The following SYT1 variants were observed in gnomAD, a reference collection of about 807,000 sequenced individuals.
SYT1 encodes synaptotagmin 1.
Under a neutral mutation model 44.8 loss-of-function variants are expected in SYT1, and 8 were observed. The ratio of observed to expected loss-of-function variants is 0.18; its 90% CI spans 0.10 to 0.32. The LOEUF is 0.32. Ranked by LOEUF, SYT1 falls within the 10% of genes least tolerant of loss-of-function variation. The pLI is 1.00. For missense variants in SYT1, 286 were observed against 509.3 expected (o/e 0.56, Z 4.22); for synonymous variants, 154 against 188.8 (o/e 0.82, Z 1.51).
chr12:79,415,373 A>T (rs1175365852), intron 9 of SYT1, among the ~76,000 whole-genome samples: 1 of 152,080 alleles, frequency 6.6e-6, no homozygotes, highest in Non-Finnish European at 1.5e-5. Context: ...TATAAAAGGG[A>T]CTCCACCAGG....
At chr12:79,335,297 T>C (rs571606543) in intron 8 of SYT1, among the ~76,000 whole-genome samples, 11 of 152,288 alleles carry the variant, frequency 7.2e-5, no homozygotes, top group East Asian at 1.9e-4. Flanking sequence ...AAGCCTGTTA[T>C]GTTTGTCTGT....
At chr12:79,231,724 T>A (rs1053364121) in intron 4 of SYT1, among the ~76,000 whole-genome samples, 16 of 152,256 alleles carry the variant, frequency 1.1e-4, no homozygotes, top group East Asian at 3.9e-4. Flanking sequence ...ATGTAAAAAA[T>A]TTATTTTTGT....
chr12:79,418,193 T>C (rs1262682855), intron 9 of SYT1, among the ~76,000 whole-genome samples: 3 of 152,196 alleles, frequency 2.0e-5, no homozygotes, highest in Admixed American at 6.5e-5. Flanking sequence ...CTGCTCCTTG[T>C]AGTCCCAGCG....
intron 9 of SYT1, among the ~76,000 whole-genome samples, chr12:79,438,965 A>C (rs1870246931): frequency 6.6e-6 from 1 of 152,164 alleles, no homozygotes; most frequent in Admixed American, 6.5e-5. Flanking sequence ...TCAGAGTAGA[A>C]AGGAGTCACG....
rs576016672 is a variant in SYT1 at position 79,110,367 on chromosome 12, T to G, written c.-18+63005T>G. Among the ~76,000 whole-genome samples, 160 of 152,300 alleles carry G rather than the reference T, an allele frequency of 1.1e-3. 1 individual carries two copies. Among genetic ancestry groups the G allele is most frequent in the African/African-American group, 3.6e-3 (151 of 41,578 alleles). On this transcript the variant is annotated intron_variant, in intron 3 of 10. Coordinates refer to ENST00000261205, the MANE Select transcript of SYT1 (RefSeq NM_005639.3). ...AAGAGGCAGCTTTTTCATATTGCTA[T>G]GGAGCAATTTATGAATAGGACATAA...
At position 78,931,227 on chromosome 12, in the gene SYT1, GAAAGAAAGAAA is replaced by G. The variant is rs1345297167; in HGVS notation, c.-216-46571_-216-46561del. On this transcript the variant is annotated intron_variant, in intron 1 of 10. Coordinates refer to ENST00000261205, the MANE Select transcript of SYT1 (RefSeq NM_005639.3). ...AGAAAGAAAGAAAGAAAGAAAGAAAGAAAGAAAGAAAGAAGGAAGGAAGGAAGGAAGGAAGG... is the reference window on the plus strand; with the variant it reads ...AGAAAGAAAGAAAGAAAGAAAGAAAGGAAGGAAGGAAGGAAGGAAGGAAGG... Among the ~76,000 whole-genome samples, 427 of 62,952 alleles carry G rather than the reference GAAAGAAAGAAA, an allele frequency of 6.8e-3. 19 individuals are homozygous for G. The highest frequency in any genetic ancestry group is 0.027 in the African/African-American group (311 of 11,534). 41.3% of individuals were successfully genotyped at this position (62,952 alleles called of 152,430 possible). A position where few individuals can be genotyped will look rare whatever the true frequency, so the allele number is the denominator to read the frequency against.
At chr12:78,947,683 T>C (rs1878739263) in intron 1 of SYT1, among the ~76,000 whole-genome samples, 1 of 151,940 alleles carries the variant, frequency 6.6e-6, no homozygotes, top group South Asian at 2.1e-4. Context: ...ATAACAGAAA[T>C]TTTGTTTGGT....
intron 4 of SYT1, among the ~76,000 whole-genome samples, chr12:79,273,099 G>A (rs1878518662): frequency 1.3e-5 from 2 of 150,770 alleles, no homozygotes; most frequent in East Asian, 2.0e-4. Context: ...GAGCAAAATA[G>A]TGTGTGTTAC....
intron 10 of SYT1, among the ~76,000 whole-genome samples, chr12:79,446,356 A>G (rs1208626036): frequency 6.6e-6 from 1 of 152,062 alleles, no homozygotes; most frequent in African/African-American, 2.4e-5. Context: ...CAATAAGATT[A>G]AATCAGTATA....
chr12:78,890,335 T>C (rs1217330954), intron 1 of SYT1, among the ~76,000 whole-genome samples: 1 of 151,874 alleles, frequency 6.6e-6, no homozygotes, highest in East Asian at 2.0e-4. Flanking sequence ...CCCACAATAG[T>C]ATTTTAGATC....
chr12:79,448,801 C>A, intron 10 of SYT1, 117 bp from the exon 11 acceptor site: 1 of 868,622 alleles, frequency 1.2e-6, no homozygotes. Context: ...TCATCCTCAT[C>A]CTAGTGCTTG....
chr12:79,241,935 C>A (rs956470005), intron 4 of SYT1, among the ~76,000 whole-genome samples: 1 of 152,128 alleles, frequency 6.6e-6, no homozygotes, highest in Non-Finnish European at 1.5e-5. Flanking sequence ...CGCCATGTGG[C>A]AATGGAGGCA....
chr12:79,207,197 G>A (rs776601713), intron 3 of SYT1, among the ~76,000 whole-genome samples: 2 of 152,118 alleles, frequency 1.3e-5, no homozygotes, highest in Non-Finnish European at 2.9e-5. Context: ...GTCACACAAT[G>A]TGCATGAGCT....
chr12:79,300,386 T>C (rs1880080605), intron 8 of SYT1, among the ~76,000 whole-genome samples: 1 of 152,082 alleles, frequency 6.6e-6, no homozygotes, highest in Admixed American at 6.6e-5. Flanking sequence ...ACGCAAGAGA[T>C]TGCTGACAGC....
intron 3 of SYT1, among the ~76,000 whole-genome samples, chr12:79,162,885 A>G (rs968654268): frequency 2.0e-5 from 3 of 152,224 alleles, no homozygotes; most frequent in Admixed American, 6.6e-5. Context: ...AGAGTTTTCA[A>G]TCATCTGTCT....
chr12:79,192,321 C>G (rs181502638), intron 3 of SYT1, among the ~76,000 whole-genome samples: 104 of 152,156 alleles, frequency 6.8e-4, no homozygotes, highest in African/African-American at 2.2e-3. Context: ...GATAGAATTA[C>G]CAGTTGATAT....
intron 4 of SYT1, among the ~76,000 whole-genome samples, chr12:79,257,819 C>T (rs1283666132): frequency 6.6e-6 from 1 of 152,156 alleles, no homozygotes; most frequent in African/African-American, 2.4e-5. Context: ...CTATTAACCT[C>T]ATATACTTTT....
intron 1 of SYT1, among the ~76,000 whole-genome samples, chr12:78,908,971 C>T (rs947648446): frequency 2.0e-5 from 3 of 151,744 alleles, no homozygotes; most frequent in African/African-American, 7.3e-5. Context: ...TTCAATCAAC[C>T]AAAAGATTCC....
chr12:79,020,516 C>T (rs1052783463), intron 2 of SYT1, among the ~76,000 whole-genome samples: 1 of 151,914 alleles, frequency 6.6e-6, no homozygotes, highest in Admixed American at 6.6e-5. Flanking sequence ...TAGCAGGAAA[C>T]CAATATAAAC....
Sources: allele counts gnomAD v4.1 joint callset (sites outside exome capture counted in the v4.1 genomes callset), GRCh38; gene constraint gnomAD v4.1.1; transcripts MANE v1.5; gene names NCBI Gene and HGNC (gene_info 2026-07-23, HGNC 2026-07-21).